DPP10: variants seen among roughly 807,000 people sequenced by gnomAD.
DPP10 encodes the protein dipeptidyl peptidase like 10, also known as inactive dipeptidyl peptidase 10.
DPP10 carries 33 observed loss-of-function variants against 120.9 expected under a neutral mutation model. The ratio of observed to expected loss-of-function variants is 0.27; its 90% CI spans 0.21 to 0.37. The LOEUF (loss-of-function observed/expected upper bound fraction) is 0.37, where lower values mean the gene tolerates loss of function less well. Among genes scored for constraint, DPP10 ranks in the 10% least tolerant of loss-of-function variants. The pLI, the probability that DPP10 is intolerant of heterozygous loss-of-function variation, is 1.00. For synonymous variants in DPP10, 337 were observed against 326.1 expected (o/e 1.03, Z -0.36); for missense variants, 816 against 942.8 (o/e 0.87, Z 1.76).
chr2:115,836,861 G>T, intron 24 of DPP10, 115 bp downstream of exon 24: 1 of 865,058 alleles, frequency 1.2e-6, no homozygotes. Context: ...GGAGCAGAGA[G>T]TCACACAAAG....
At position 115,777,697 on chromosome 2, in the gene DPP10, T is replaced by A. The variant is rs1381664836; in HGVS notation, c.1314-90T>A. The stretch of plus-strand genomic sequence containing the variant: ...ATTCAGGTGAAGATTCAATGTGAAT[T>A]CAGGATTCAATGTGACAATGTGACA... On this transcript the variant is annotated intron_variant, in intron 14 of 25. Transcript: ENST00000410059. 6.0e-6 allele frequency: 8 copies of A among 1,340,806 alleles called. No individual in the cohort carries two copies. In the East Asian group the frequency reaches 1.9e-4, roughly 31 times the overall value. 83.1% of individuals were successfully genotyped at this position (1,340,806 alleles called of 1,614,324 possible).
At chr2:115,201,291 C>T (rs1041987149) in intron 1 of DPP10, among the ~76,000 whole-genome samples, 2 of 151,966 alleles carry the variant, frequency 1.3e-5, no homozygotes, top group African/African-American at 4.8e-5. Context: ...GGTGAAACCC[C>T]ATCTGTACTA....
intron 1 of DPP10, among the ~76,000 whole-genome samples, chr2:114,552,555 T>G (rs1243721122): frequency 2.0e-5 from 3 of 150,606 alleles, no homozygotes; most frequent in Admixed American, 2.0e-4. Context: ...CTCTTTTTCT[T>G]TTTTTTTTAG....
intron 1 of DPP10, among the ~76,000 whole-genome samples, chr2:114,920,875 G>A (rs577348948): frequency 3.3e-5 from 5 of 152,242 alleles, no homozygotes; most frequent in Non-Finnish European, 5.9e-5. Flanking sequence ...TACAGGAACC[G>A]ATGGTGATAC....
intron 1 of DPP10, among the ~76,000 whole-genome samples, chr2:114,820,436 A>T (rs1253144067): frequency 6.6e-6 from 1 of 152,348 alleles, no homozygotes; most frequent in African/African-American, 2.4e-5. Context: ...GATTTTTGAA[A>T]GTAGTAAGTG....
intron 1 of DPP10, among the ~76,000 whole-genome samples, chr2:115,013,265 G>T (rs1413827209): frequency 6.6e-6 from 1 of 152,050 alleles, no homozygotes. Context: ...GCTTAGTTTG[G>T]CTAGATATGA....
intron 1 of DPP10, among the ~76,000 whole-genome samples, chr2:115,121,172 T>A (rs1334799962): frequency 6.6e-6 from 1 of 152,186 alleles, no homozygotes; most frequent in South Asian, 2.1e-4. Context: ...AGAGTTTGGG[T>A]AGATATTAAG....
intron 1 of DPP10, among the ~76,000 whole-genome samples, chr2:115,273,331 CT>C (rs1010652481): frequency 6.6e-6 from 1 of 151,628 alleles, no homozygotes; most frequent in Non-Finnish European, 1.5e-5. Context: ...AGACAGCTTG[CT>C]TTTTTTTGTT....
At chr2:115,435,124 T>C (rs1330045820) in intron 3 of DPP10, among the ~76,000 whole-genome samples, 1 of 151,876 alleles carries the variant, frequency 6.6e-6, no homozygotes, top group African/African-American at 2.4e-5. Context: ...TTGGCTATTG[T>C]GTATAGTGCT....
At chr2:115,285,653 C>T (rs935842037) in intron 1 of DPP10, among the ~76,000 whole-genome samples, 2 of 151,952 alleles carry the variant, frequency 1.3e-5, no homozygotes, top group African/African-American at 4.8e-5. Flanking sequence ...TTGTTCAGTC[C>T]TCCTTTCTGG....
At chr2:115,374,961 A>C (rs6542259) in intron 3 of DPP10, among the ~76,000 whole-genome samples, 5 of 151,912 alleles carry the variant, frequency 3.3e-5, no homozygotes, top group Non-Finnish European at 7.4e-5. Flanking sequence ...AAGATCTCTG[A>C]CATGCCCTGA....
chr2:115,727,807 C>T lies in DPP10; in HGVS notation c.577-9C>T, dbSNP rs192948505. 1 of 1,575,600 alleles carries T rather than the reference C, an allele frequency of 6.3e-7. No homozygotes were observed. The highest frequency in any genetic ancestry group is 8.6e-7 in the Non-Finnish European group (1 of 1,165,446). Reference sequence around the variant, plus strand: ...GGATTTTTTGTTTGTTTCACATTTCCTGATCCAGATTTATATTTTTGAAAA... The same window carrying T: ...GGATTTTTTGTTTGTTTCACATTTCTTGATCCAGATTTATATTTTTGAAAA... On this transcript the variant is annotated splice_polypyrimidine_tract_variant and intron_variant, in intron 7 of 25. Coordinates refer to ENST00000410059, the MANE Select transcript of DPP10 (RefSeq NM_020868.6).
intron 1 of DPP10, among the ~76,000 whole-genome samples, chr2:114,569,739 A>G (rs527561310): frequency 1.3e-5 from 2 of 152,362 alleles, no homozygotes; most frequent in East Asian, 1.9e-4. Flanking sequence ...AGAGTCCTGC[A>G]TGAGAAACAA....
At chr2:114,862,899 A>T (rs928998622) in intron 1 of DPP10, among the ~76,000 whole-genome samples, 12 of 67,130 alleles carry the variant, frequency 1.8e-4, no homozygotes, top group Non-Finnish European at 3.4e-4. Context: ...TAGGACCAAA[A>T]AAAAAAAAAA....
chr2:115,810,088 G>A (rs1686458881), intron 19 of DPP10, among the ~76,000 whole-genome samples: 2 of 151,820 alleles, frequency 1.3e-5, no homozygotes, highest in South Asian at 4.2e-4. Flanking sequence ...GCTGAACCCG[G>A]GAGGCGGATC....
intron 1 of DPP10, among the ~76,000 whole-genome samples, chr2:114,735,852 G>C (rs1677377640): frequency 6.6e-6 from 1 of 151,938 alleles, no homozygotes; most frequent in Admixed American, 6.5e-5. Flanking sequence ...GGACTCTAAA[G>C]AGGGATTTTC....
intron 1 of DPP10, among the ~76,000 whole-genome samples, chr2:115,153,380 G>A (rs12467107): frequency 2.6e-5 from 4 of 152,118 alleles, no homozygotes; most frequent in Admixed American, 2.6e-4. Context: ...TCTTATGTTG[G>A]TCCACTGTAG....
chr2:114,732,273 C>T lies in DPP10; in HGVS notation c.60+289435C>T, dbSNP rs959082008. On this transcript the variant is annotated intron_variant, in intron 1 of 25. Transcript: ENST00000410059. Reference sequence around the variant, plus strand: ...TTAAGAAAACAGGAAACTGGACACACGACTACAATTTAGTCATATGGAGCA... The same window carrying T: ...TTAAGAAAACAGGAAACTGGACACATGACTACAATTTAGTCATATGGAGCA... Among the ~76,000 whole-genome samples, 4 of 152,134 alleles carry T rather than the reference C, an allele frequency of 2.6e-5. No homozygotes were observed. The South Asian group carries it at 6.2e-4, about 24-fold the overall frequency.
intron 1 of DPP10, among the ~76,000 whole-genome samples, chr2:114,809,678 C>A (rs1685020035): frequency 6.6e-6 from 1 of 152,148 alleles, no homozygotes; most frequent in African/African-American, 2.4e-5. Context: ...GGCAGAGATA[C>A]CCCGTCCTCT....
Sources: allele counts gnomAD v4.1 joint callset (sites outside exome capture counted in the v4.1 genomes callset), GRCh38; gene constraint gnomAD v4.1.1; transcripts MANE v1.5; gene names NCBI Gene and HGNC (gene_info 2026-07-23, HGNC 2026-07-21).